TXNDC12: variants seen among roughly 807,000 people sequenced by gnomAD.
TXNDC12 encodes thioredoxin domain containing 12.
TXNDC12 carries 22 observed loss-of-function variants against 24.2 expected under a neutral mutation model. The observed-to-expected ratio is 0.91, with a 90% CI of 0.65 to 1.30. TXNDC12 has a LOEUF of 1.30. Ranked by LOEUF, TXNDC12 falls within the 50% of genes most tolerant of loss-of-function variation. TXNDC12 has a pLI of 0.00. For synonymous variants in TXNDC12, 58 were observed against 73.4 expected, an observed-to-expected ratio of 0.79 and a Z score of 1.07; for missense variants, 184 against 205.8, an observed-to-expected ratio of 0.89 and a Z score of 0.65.
chr1:52,043,967 A>G (rs1686041129), intron 1 of TXNDC12: 1 of 152,232 alleles, frequency 6.6e-6, no homozygotes, highest in South Asian at 2.1e-4. Context: ...GGATGCTGTC[A>G]CTTGCCTAAG....
At chr1:52,036,364 G>A (rs185736404) in intron 2 of TXNDC12, among the ~76,000 whole-genome samples, 1 of 152,188 alleles carries the variant, frequency 6.6e-6, no homozygotes, top group Admixed American at 6.5e-5. Context: ...TCATAAAGAA[G>A]CAAAAATATA....
At chr1:52,026,063 T>G (rs1376954083) in intron 4 of TXNDC12, among the ~76,000 whole-genome samples, 2 of 152,098 alleles carry the variant, frequency 1.3e-5, no homozygotes, top group East Asian at 3.9e-4. Flanking sequence ...ACTCCTGACC[T>G]CATGATCTAC....
intron 1 of TXNDC12, among the ~76,000 whole-genome samples, chr1:52,054,219 A>C (rs1448280962): frequency 6.6e-6 from 1 of 151,896 alleles, no homozygotes; most frequent in Non-Finnish European, 1.5e-5. Context: ...GGTCAGTGAA[A>C]AAAAAAAAAG....
At chr1:52,037,147 C>T (rs1685896502) in intron 2 of TXNDC12, among the ~76,000 whole-genome samples, 1 of 151,290 alleles carries the variant, frequency 6.6e-6, no homozygotes, top group East Asian at 1.9e-4. Flanking sequence ...CTTAAAGGTC[C>T]TTATCACCCC....
At position 52,020,913 on chromosome 1, in the gene TXNDC12, A is replaced by G. The variant is rs369634872; in HGVS notation, c.*20T>C. ...TCCTTCCAGAACACTAACTCTGATG[A>G]AAGAAGGGGCACATTCATGTTACAA... is the stretch of plus-strand genomic sequence containing the variant. On this transcript the variant is annotated 3_prime_UTR_variant, in exon 7 of 7. Transcript: ENST00000371626. 7 of 1,599,158 alleles carry G rather than the reference A, an allele frequency of 4.4e-6. No homozygotes were observed. In the African/African-American group the frequency reaches 9.4e-5, roughly 21 times the overall value.
intron 4 of TXNDC12, among the ~76,000 whole-genome samples, chr1:52,024,933 A>G (rs1298988711): frequency 6.6e-6 from 1 of 152,186 alleles, no homozygotes; most frequent in Non-Finnish European, 1.5e-5. Context: ...CTTTATTTTC[A>G]AACCATCTAT....
intron 3 of TXNDC12, among the ~76,000 whole-genome samples, chr1:52,028,101 A>G (rs566304169): frequency 6.6e-6 from 1 of 152,188 alleles, no homozygotes; most frequent in African/African-American, 2.4e-5. Context: ...CTGGGATTAC[A>G]GGCATGAGCC....
intron 2 of TXNDC12, among the ~76,000 whole-genome samples, chr1:52,040,361 A>AT (rs1685962373): frequency 1.3e-5 from 2 of 151,930 alleles, no homozygotes; most frequent in African/African-American, 2.4e-5. Flanking sequence ...AGTAACTGGT[A>AT]TTTTTTGTAG....
At chr1:52,041,070 C>A (rs183032321) in intron 2 of TXNDC12, among the ~76,000 whole-genome samples, 46 of 151,184 alleles carry the variant, frequency 3.0e-4, no homozygotes, top group Non-Finnish European at 5.2e-4. Context: ...CGGTGGCTCA[C>A]GCCTGTAATC....
intron 4 of TXNDC12, among the ~76,000 whole-genome samples, chr1:52,025,047 G>A (rs1685652885): frequency 6.6e-6 from 1 of 152,084 alleles, no homozygotes; most frequent in Non-Finnish European, 1.5e-5. Flanking sequence ...ACACTAGCAT[G>A]TTATTTCAAC....
chr1:52,026,666 G>A (rs1685675445), intron 4 of TXNDC12, among the ~76,000 whole-genome samples: 2 of 152,184 alleles, frequency 1.3e-5, no homozygotes, highest in African/African-American at 2.4e-5. Flanking sequence ...TTGGGAGGCC[G>A]AGGCAGGCAG....
At chr1:52,022,641 T>G (rs1435919521) in intron 6 of TXNDC12, among the ~76,000 whole-genome samples, 2 of 144,504 alleles carry the variant, frequency 1.4e-5, no homozygotes, top group Non-Finnish European at 3.0e-5. Context: ...TTTGGTTTTT[T>G]TTTTTTTTTT....
chr1:52,038,856 T>C (rs1375809823), intron 2 of TXNDC12, among the ~76,000 whole-genome samples: 1 of 151,514 alleles, frequency 6.6e-6, no homozygotes, highest in Non-Finnish European at 1.5e-5. Flanking sequence ...CCTGTTGGCA[T>C]AGCTACAGTG....
chr1:52,032,797 C>T (rs370356154), intron 2 of TXNDC12: 1 of 1,614,204 alleles, frequency 6.2e-7, no homozygotes, highest in African/African-American at 1.3e-5. Context: ...AAACTGGCGA[C>T]GAAGGCGACT....
chr1:52,050,618 TG>T (rs1482219354), intron 1 of TXNDC12, among the ~76,000 whole-genome samples: 1 of 152,214 alleles, frequency 6.6e-6, no homozygotes, highest in Non-Finnish European at 1.5e-5. Flanking sequence ...GCCAAGCCTC[TG>T]AAACAGGGAA....
chr1:52,034,279 C>T (rs1685841509), intron 2 of TXNDC12, among the ~76,000 whole-genome samples: 1 of 152,122 alleles, frequency 6.6e-6, no homozygotes, highest in Non-Finnish European at 1.5e-5. Flanking sequence ...AAGGATCAGG[C>T]GCCTACAATC....
At chr1:52,046,866 A>AAAATATATATATAT (rs1229275355) in intron 1 of TXNDC12, among the ~76,000 whole-genome samples, 6 of 30,172 alleles carry the variant, frequency 2.0e-4, no homozygotes, top group African/African-American at 2.1e-4. Flanking sequence ...AAAAAAAAAA[A>AAAATATATATATAT]ATATATATAT....
At position 52,053,563 on chromosome 1, in the gene TXNDC12, C is replaced by T. The variant is rs12027866; in HGVS notation, c.97+1437G>A. Among the ~76,000 whole-genome samples the T allele has an allele frequency of 0.01, 1,532 of 152,188 alleles. 79 individuals carry two copies. The East Asian group carries it at 0.13, about 13-fold the overall frequency. ...CCTGTAATCCCAGCTACTCGGGAGG[C>T]TAAGGCAGGAGAATCGCTTGAACCC... is the stretch of plus-strand genomic sequence containing the variant. On this transcript the variant is annotated intron_variant, in intron 1 of 6. Coordinates refer to ENST00000371626, the MANE Select transcript of TXNDC12 (RefSeq NM_015913.4).
At chr1:52,043,006 A>G (rs1686023494) in intron 1 of TXNDC12, among the ~76,000 whole-genome samples, 1 of 152,000 alleles carries the variant, frequency 6.6e-6, no homozygotes, top group Non-Finnish European at 1.5e-5. Flanking sequence ...GTGATCTGCC[A>G]GCCTCCTCAG....
Sources: allele counts gnomAD v4.1 joint callset (sites outside exome capture counted in the v4.1 genomes callset), GRCh38; gene constraint gnomAD v4.1.1; transcripts MANE v1.5; gene names NCBI Gene and HGNC (gene_info 2026-07-23, HGNC 2026-07-21).